The following AP4S1 variants were observed in gnomAD, a reference collection of about 807,000 sequenced individuals.
AP4S1 encodes the protein adaptor related protein complex 4 subunit sigma 1.
Under a neutral mutation model 19.8 loss-of-function variants are expected in AP4S1, and 23 were observed. The observed-to-expected ratio is 1.16, with a 90% CI of 0.84 to 1.65. The LOEUF is 1.65. Among genes scored for constraint, AP4S1 ranks in the 40% most tolerant of loss-of-function variants. The pLI is 0.00. For synonymous variants in AP4S1, 46 were observed against 54.1 expected, an observed-to-expected ratio of 0.85 and a Z score of 0.66; for missense variants, 166 against 172.8, an observed-to-expected ratio of 0.96 and a Z score of 0.22.
At chr14:31,047,706 A>T (rs1566519288) in intron 1 of AP4S1, among the ~76,000 whole-genome samples, 1 of 151,568 alleles carries the variant, frequency 6.6e-6, no homozygotes, top group Non-Finnish European at 1.5e-5. Context: ...TTGAGACACA[A>T]TCTTGCTGTG....
chr14:31,037,926 T>C lies in AP4S1; in HGVS notation c.-72+12139T>C, dbSNP rs148257458. On this transcript the variant is annotated intron_variant, in intron 1 of 5. Coordinates refer to ENST00000542754, the MANE Select transcript of AP4S1 (RefSeq NM_001128126.3). The stretch of plus-strand genomic sequence containing the variant: ...ATGATCACACCACTATACTCTGGCC[T>C]GGGTGACAGAGGGAGACCCTGTCTC... 1.6e-3 allele frequency among the ~76,000 whole-genome samples: 241 copies of C among 152,362 alleles called. 2 individuals are homozygous for C. The East Asian group carries it at 0.03, about 19-fold the overall frequency.
chr14:31,028,975 G>A (rs770527794), intron 1 of AP4S1, among the ~76,000 whole-genome samples: 1 of 152,124 alleles, frequency 6.6e-6, no homozygotes, highest in Non-Finnish European at 1.5e-5. Context: ...CTTATAACTG[G>A]TAACTTGAGC....
rs142498290 is a variant in AP4S1, at chr14:31,085,591, T to C, written c.306+5007T>C. 1.5e-4 allele frequency: 131 copies of C among 891,374 alleles called. No individual in the cohort carries two copies. In the East Asian group the frequency reaches 0.013, roughly 88 times the overall value. 55.2% of individuals were successfully genotyped at this position (891,374 alleles called of 1,614,324 possible). ...GAGTTTGAGACCAGCCTGGGCAACA[T>C]AGGGAGACCCAGTCTCTACAAAAAA... is the stretch of plus-strand genomic sequence containing the variant. On this transcript the variant is annotated intron_variant, in intron 5 of 5. Transcript: ENST00000542754.
chr14:31,039,597 G>A (rs1884985487), intron 1 of AP4S1, among the ~76,000 whole-genome samples: 4 of 147,538 alleles, frequency 2.7e-5, no homozygotes, highest in Admixed American at 2.0e-4. Context: ...TTTTGAGACG[G>A]AGTTTCGCTC....
chr14:31,082,833 T>C (rs927752472), intron 5 of AP4S1, among the ~76,000 whole-genome samples: 17 of 151,908 alleles, frequency 1.1e-4, no homozygotes, highest in African/African-American at 3.9e-4. Flanking sequence ...GAGGCGGAGC[T>C]TGCAGTGAGC....
chr14:31,044,202 C>T (rs1371091308), intron 1 of AP4S1, among the ~76,000 whole-genome samples: 1 of 152,120 alleles, frequency 6.6e-6, no homozygotes, highest in African/African-American at 2.4e-5. Context: ...TCCTACTATC[C>T]GGAGTTAAGC....
chr14:31,073,555 C>G (rs977527302), intron 4 of AP4S1, among the ~76,000 whole-genome samples: 2 of 150,780 alleles, frequency 1.3e-5, no homozygotes, highest in African/African-American at 4.9e-5. Context: ...TGACTTGCCC[C>G]CTCTTTTCTT....
At chr14:31,077,023 G>T (rs1475654772) in intron 4 of AP4S1, among the ~76,000 whole-genome samples, 1 of 152,150 alleles carries the variant, frequency 6.6e-6, no homozygotes, top group East Asian at 1.9e-4. Flanking sequence ...CCTCCGTCCC[G>T]GGTTCAAGCG....
chr14:31,066,363 T>C, intron 2 of AP4S1, 29 bp downstream of exon 2: 1 of 1,613,556 alleles, frequency 6.2e-7, no homozygotes, highest in Non-Finnish European at 8.5e-7. Context: ...CTTTTATCTC[T>C]GCATTCAACT....
intron 1 of AP4S1, among the ~76,000 whole-genome samples, chr14:31,033,794 A>G (rs938014982): frequency 5.9e-5 from 9 of 152,244 alleles, no homozygotes; most frequent in African/African-American, 2.2e-4. Flanking sequence ...GGATCTTCAC[A>G]GATTACAGAA....
intron 1 of AP4S1, among the ~76,000 whole-genome samples, chr14:31,031,392 C>T (rs1019518672): frequency 1.3e-5 from 2 of 152,104 alleles, no homozygotes; most frequent in African/African-American, 4.8e-5. Flanking sequence ...AAAACTGTAC[C>T]CCAAGAGTCT....
intron 5 of AP4S1, among the ~76,000 whole-genome samples, chr14:31,083,930 T>C (rs10149122): frequency 0.28 from 42,763 of 151,996 alleles, 7,469 homozygotes; most frequent in African/African-American, 0.49. Flanking sequence ...GATGAGGGGA[T>C]CTTGTCGAAG....
intron 1 of AP4S1, among the ~76,000 whole-genome samples, chr14:31,056,007 C>A (rs1235658194): frequency 6.6e-6 from 1 of 151,686 alleles, no homozygotes; most frequent in Admixed American, 6.6e-5. Context: ...CCATGCCAGG[C>A]TAATTTTTTT....
Position 31,093,170 on chromosome 14 carries a change from A to G in AP4S1, c.*135A>G. 1.2e-6 allele frequency: 1 copy of G among 853,170 alleles called. No individual in the cohort carries two copies. The highest frequency in any genetic ancestry group is 2.2e-5 in the South Asian group (1 of 45,646). The allele number at this position is 853,170 out of a possible 1,614,324, so 52.8% of individuals were successfully genotyped here. A position where few individuals can be genotyped will look rare whatever the true frequency, so the allele number is the denominator to read the frequency against. ...GTATCCTTCCAAAGACATTATAAATAGGCATTTTCCACAGTTCCTAAAAAG... is the reference window on the plus strand; with the variant it reads ...GTATCCTTCCAAAGACATTATAAATGGGCATTTTCCACAGTTCCTAAAAAG... On this transcript the variant is annotated 3_prime_UTR_variant, in exon 6 of 6. Coordinates refer to ENST00000542754, the MANE Select transcript of AP4S1 (RefSeq NM_001128126.3).
At chr14:31,083,496 CTTTTTTTTTTTTTTT>C (rs768336426) in intron 5 of AP4S1, 1 of 186,706 alleles carries the variant, frequency 5.4e-6, no homozygotes, top group African/African-American at 7.4e-5. Context: ...TGTTGACACT[CTTTTTTTTTTTTTTT>C]TTTTTTTTTT....
At chr14:31,088,557 A>C (rs988740475) in intron 5 of AP4S1, among the ~76,000 whole-genome samples, 1 of 152,032 alleles carries the variant, frequency 6.6e-6, no homozygotes, top group African/African-American at 2.4e-5. Context: ...CCTGTAGTCC[A>C]AGCACTTTGG....
At chr14:31,070,824 G>T (rs934165726) in intron 3 of AP4S1, among the ~76,000 whole-genome samples, 4 of 152,122 alleles carry the variant, frequency 2.6e-5, no homozygotes, top group Middle Eastern at 3.2e-3. Context: ...AGGCAGAGGT[G>T]GGCAGATCAT....
chr14:31,036,936 C>A (rs979297037), intron 1 of AP4S1, among the ~76,000 whole-genome samples: 15 of 152,226 alleles, frequency 9.9e-5, no homozygotes, highest in Middle Eastern at 3.4e-3. Context: ...CCTCAGCCTC[C>A]CAAGTAGCCG....
At chr14:31,042,825 A>C (rs1291272418) in intron 1 of AP4S1, among the ~76,000 whole-genome samples, 3 of 152,216 alleles carry the variant, frequency 2.0e-5, no homozygotes, top group Non-Finnish European at 2.9e-5. Context: ...TTTGGACTTA[A>C]ATTGTATCTT....
Sources: gnomAD v4.1 joint callset for allele counts (sites outside exome capture counted in the v4.1 genomes callset) on GRCh38, gnomAD v4.1.1 for gene constraint, MANE v1.5 for transcripts, NCBI Gene and HGNC (gene_info 2026-07-23, HGNC 2026-07-21) for gene names.